LPIN2: variants seen among roughly 807,000 people sequenced by gnomAD.
LPIN2 encodes lipin 2.
LPIN2 carries 55 observed loss-of-function variants against 111.4 expected under a neutral mutation model. The observed-to-expected ratio is 0.49, with a 90% confidence interval of 0.40 to 0.62. The LOEUF (loss-of-function observed/expected upper bound fraction) is 0.62. Among genes scored for constraint, LPIN2 ranks in the 20% least tolerant of loss-of-function variants. The pLI is 0.00. For missense variants in LPIN2, 992 were observed against 1,112.1 expected (o/e 0.89, Z 1.54); for synonymous variants, 425 against 414.0 (o/e 1.03, Z -0.32).
chr18:2,998,130 G>A (rs764904326), intron 1 of LPIN2, among the ~76,000 whole-genome samples: 1 of 152,198 alleles, frequency 6.6e-6, no homozygotes, highest in South Asian at 2.1e-4. Flanking sequence ...CTTCAGAAAC[G>A]TAAGGAGAGG....
At chr18:2,960,875 A>C in intron 1 of LPIN2, 26 bp from the exon 2 acceptor site, 1 of 1,572,376 alleles carries the variant, frequency 6.4e-7, no homozygotes, top group Non-Finnish European at 8.7e-7. Flanking sequence ...ATTAGATGAG[A>C]TGTTAACACT....
chr18:2,991,409 T>G (rs2078263238), intron 1 of LPIN2, among the ~76,000 whole-genome samples: 1 of 152,154 alleles, frequency 6.6e-6, no homozygotes, highest in Non-Finnish European at 1.5e-5. Context: ...AAAACAAGTT[T>G]GGTCGTTTCT....
At position 2,931,278 on chromosome 18, in the gene LPIN2, A is replaced by G; in HGVS notation, c.1434T>C (p.Ser478=). The G allele has an allele frequency of 6.2e-7, 1 of 1,614,170 alleles. No individual in the cohort carries two copies. The highest frequency in any genetic ancestry group is 8.5e-7 in the Non-Finnish European group (1 of 1,180,026). ...DVTLSLCGGL[S]ENGEISKEKF... ...TACCTTTTGAAATTTCTCCATTTTC[A>G]CTGAGGCCCCCGCAAAGGGAGAGGG... is the stretch of plus-strand genomic sequence containing the variant. Residue 478 remains serine, a synonymous_variant, in exon 9 of 20, where the codon AGT becomes AGC. Coordinates refer to ENST00000677752, the MANE Select transcript of LPIN2 (RefSeq NM_001375808.2).
chr18:3,009,117 C>T (rs1035793041), intron 1 of LPIN2, among the ~76,000 whole-genome samples: 21 of 151,636 alleles, frequency 1.4e-4, no homozygotes, highest in Non-Finnish European at 1.8e-4. Context: ...AGAATTGTTT[C>T]GGCCAGGCGC....
At chr18:2,978,052 G>A (rs1268914240) in intron 1 of LPIN2, among the ~76,000 whole-genome samples, 1 of 152,034 alleles carries the variant, frequency 6.6e-6, no homozygotes, top group African/African-American at 2.4e-5. Context: ...GAAGCCGGGA[G>A]TGGTGGCACC....
chr18:2,921,903 T>C (rs2077059824), intron 17 of LPIN2, 144 bp downstream of exon 17: 2 of 1,193,632 alleles, frequency 1.7e-6, no homozygotes, highest in Non-Finnish European at 2.3e-6. Flanking sequence ...CAGTATGTGG[T>C]AGGACACCAC....
At position 2,951,233 on chromosome 18, in the gene LPIN2, A is replaced by C; in HGVS notation, c.412T>G (p.Ser138Ala). 1 of 1,614,100 alleles carries C rather than the reference A, an allele frequency of 6.2e-7. No individual in the cohort carries two copies. Among genetic ancestry groups the C allele is most frequent in the Non-Finnish European group, 8.5e-7 (1 of 1,180,010 alleles). ...ATTGTCTCTGTTTCCAAGACGTGTGAGATGTCTGAACTCTGAGATGGTGTT... is the reference window on the plus strand; with the variant it reads ...ATTGTCTCTGTTTCCAAGACGTGTGCGATGTCTGAACTCTGAGATGGTGTT... ...DETPSQSSDISHVLETETIFT... is the reference protein window; with the variant it reads ...DETPSQSSDIAHVLETETIFT... The change falls in exon 4 of 20, where the codon TCA (serine) becomes GCA (alanine). Residue 138 changes from serine to alanine, a missense_variant. By Grantham distance (99) the Ser-to-Ala change is moderately conservative. Coordinates refer to ENST00000677752, the MANE Select transcript of LPIN2 (RefSeq NM_001375808.2).
At chr18:2,979,329 T>C (rs1809033805) in intron 1 of LPIN2, among the ~76,000 whole-genome samples, 1 of 152,190 alleles carries the variant, frequency 6.6e-6, no homozygotes, top group African/African-American at 2.4e-5. Flanking sequence ...CTGAGTATGC[T>C]GAGTATGTAA....
At chr18:2,996,085 A>G (rs2078336486) in intron 1 of LPIN2, among the ~76,000 whole-genome samples, 3 of 152,150 alleles carry the variant, frequency 2.0e-5, no homozygotes, top group Non-Finnish European at 4.4e-5. Context: ...TCACACCTAT[A>G]ATCCCAGCAT....
intron 2 of LPIN2, among the ~76,000 whole-genome samples, chr18:2,958,141 C>CAAAAAAAAAAAAAAACA (rs2077642694): frequency 2.5e-4 from 3 of 11,950 alleles, no homozygotes; most frequent in African/African-American, 5.8e-4. Flanking sequence ...GACTCCATCT[C>CAAAAAAAAAAAAAAACA]AAAAAAAAAA....
intron 1 of LPIN2, among the ~76,000 whole-genome samples, chr18:2,978,240 T>G (rs989637906): frequency 6.6e-6 from 1 of 151,934 alleles, no homozygotes; most frequent in African/African-American, 2.4e-5. Context: ...ATAAACAAGA[T>G]GTCTGGATAT....
At chr18:2,995,485 G>A (rs1427861263) in intron 1 of LPIN2, among the ~76,000 whole-genome samples, 2 of 152,122 alleles carry the variant, frequency 1.3e-5, no homozygotes, top group African/African-American at 4.8e-5. Context: ...TATGAATATT[G>A]TCTTTTAAAT....
chr18:2,922,343 C>A lies in LPIN2; in HGVS notation c.2175-144G>T, dbSNP rs552309907. On this transcript the variant is annotated intron_variant, in intron 16 of 19. Coordinates refer to ENST00000677752, the MANE Select transcript of LPIN2 (RefSeq NM_001375808.2). ...AGGCTGGAGTGCTGTGGCGCCATCT[C>A]GGCTCACTGCAACCTCCACCTCCTG... is the stretch of plus-strand genomic sequence containing the variant. 5 of 879,878 alleles carry A rather than the reference C, an allele frequency of 5.7e-6. No homozygotes were observed. The Admixed American group carries it at 7.5e-5, about 13-fold the overall frequency. 54.5% of individuals were successfully genotyped at this position (879,878 alleles called of 1,614,324 possible).
rs1266990418 is a variant in LPIN2, at chr18:2,920,440, AAG to A, written c.2547-5_2547-4del. The A allele has an allele frequency of 1.2e-6, 2 of 1,613,600 alleles. No homozygotes were observed. Among genetic ancestry groups the A allele is most frequent in the East Asian group, 2.2e-5 (1 of 44,872 alleles). ...CGAGCTCACTCAGCCTGTGATACCT[AAG>A]AGAAAGGTTGGGGAAGAGGCACAGG... On this transcript the variant is annotated splice_polypyrimidine_tract_variant and splice_region_variant and intron_variant, in intron 19 of 19. Coordinates refer to ENST00000677752, the MANE Select transcript of LPIN2 (RefSeq NM_001375808.2).
At chr18:2,989,265 A>G (rs2078228920) in intron 1 of LPIN2, among the ~76,000 whole-genome samples, 1 of 152,222 alleles carries the variant, frequency 6.6e-6, no homozygotes, top group Non-Finnish European at 1.5e-5. Flanking sequence ...CAGATTTACT[A>G]TGCTAAGTAT....
intron 1 of LPIN2, among the ~76,000 whole-genome samples, chr18:2,998,269 C>G (rs527620621): frequency 1.3e-5 from 2 of 152,234 alleles, no homozygotes; most frequent in Admixed American, 6.5e-5. Flanking sequence ...TTTTGCAAAA[C>G]AAATGCCAAG....
intron 2 of LPIN2, among the ~76,000 whole-genome samples, chr18:2,959,983 A>G (rs2143193411): frequency 6.6e-6 from 1 of 152,322 alleles, no homozygotes; most frequent in South Asian, 2.1e-4. Context: ...AGCCTAGCCA[A>G]CAAGGTGAAA....
At chr18:2,921,811 GTGA>G in intron 17 of LPIN2, 164 bp from the exon 18 acceptor site, 1 of 764,920 alleles carries the variant, frequency 1.3e-6, no homozygotes, top group Non-Finnish European at 2.1e-6. Context: ...GAAAATTTGA[GTGA>G]TGAAGTTTAG....
chr18:2,978,976 T>C (rs1195662998), intron 1 of LPIN2: 1 of 152,256 alleles, frequency 6.6e-6, no homozygotes, highest in African/African-American at 2.4e-5. Flanking sequence ...CACAGGTAGG[T>C]GGAATGACTC....
Sources: gnomAD v4.1 joint callset for allele counts (sites outside exome capture counted in the v4.1 genomes callset) on GRCh38, gnomAD v4.1.1 for gene constraint, MANE v1.5 for transcripts, NCBI Gene and HGNC (gene_info 2026-07-23, HGNC 2026-07-21) for gene names.